The following HOOK2 variants were observed in gnomAD, a reference collection of about 807,000 sequenced individuals.
HOOK2 encodes protein Hook homolog 2.
Under a neutral mutation model 111.9 loss-of-function variants are expected in HOOK2, and 108 were observed. The ratio of observed to expected loss-of-function variants is 0.96; its 90% CI spans 0.83 to 1.13. The LOEUF (loss-of-function observed/expected upper bound fraction) is 1.13, where lower values mean the gene tolerates loss of function less well. HOOK2 is among the 50% of genes most tolerant of loss of function. The pLI, the probability that HOOK2 is intolerant of heterozygous loss-of-function variation, is 0.00. For missense variants in HOOK2, 978 were observed against 951.3 expected (o/e 1.03, Z -0.37); for synonymous variants, 405 against 394.3 (o/e 1.03, Z -0.32).
Position 12,769,958 on chromosome 19 carries a change from C to CG in HOOK2, c.1026dup (p.Glu343ArgfsTer9). 1.3e-6 allele frequency: 2 copies of CG among 1,552,836 alleles called. No individual in the cohort carries two copies. The highest frequency in any genetic ancestry group is 1.7e-6 in the Non-Finnish European group (2 of 1,156,054). ...TCATCCTCCAGTTGTCGCGTGCGCT[C>CG]GGCGTGGCCGGCGTTGCGTTCCTCC... On this transcript the variant is annotated frameshift_variant, in exon 11 of 23. Coordinates refer to ENST00000397668, the MANE Select transcript of HOOK2 (RefSeq NM_013312.3). LOFTEE classifies it high-confidence loss of function.
chr19:12,777,516 A>G (rs1288663140), upstream of HOOK2, among the ~76,000 whole-genome samples: 1 of 152,184 alleles, frequency 6.6e-6, no homozygotes, highest in East Asian at 1.9e-4. Flanking sequence ...TCCCTGCATT[A>G]TTGACTCCAG....
chr19:12,772,335 C>T, intron 6 of HOOK2, 83 bp from the exon 7 acceptor site: 1 of 1,449,204 alleles, frequency 6.9e-7, no homozygotes, highest in Non-Finnish European at 9.7e-7. Flanking sequence ...CTGAGAACCT[C>T]TCCATCCTCC....
chr19:12,785,852 C>T (rs1057174386), intron 3 of HOOK2, among the ~76,000 whole-genome samples: 3 of 152,206 alleles, frequency 2.0e-5, no homozygotes, highest in African/African-American at 7.2e-5. Context: ...ATCACCCCCA[C>T]TTCCCTCCCT....
chr19:12,782,148 G>A (rs1008118550), upstream of HOOK2, among the ~76,000 whole-genome samples: 2 of 152,168 alleles, frequency 1.3e-5, no homozygotes, highest in African/African-American at 4.8e-5. Context: ...GAGCCACTGC[G>A]CCCGTCCTAT....
intron 3 of HOOK2, chr19:12,792,265 C>A (rs1968729164): frequency 2.0e-6 from 3 of 1,495,028 alleles, no homozygotes; most frequent in African/African-American, 1.4e-5. Context: ...ACCGGGGGGC[C>A]CCCGGCTGGG....
At chr19:12,773,256 C>CTTTAGCTT in intron 3 of HOOK2, 1 of 388,922 alleles carries the variant, frequency 2.6e-6, no homozygotes, top group Non-Finnish European at 4.4e-6. Flanking sequence ...TTTTTTTTTG[C>CTTTAGCTT]TTTAGCTTTT....
At chr19:12,780,413 G>A (rs941854866), upstream of HOOK2, among the ~76,000 whole-genome samples, 12 of 151,720 alleles carry the variant, frequency 7.9e-5, no homozygotes, top group Non-Finnish European at 1.5e-4. Flanking sequence ...CTGGAGTGCA[G>A]TGGAGCGATC....
upstream of HOOK2, among the ~76,000 whole-genome samples, chr19:12,776,444 G>A (rs1055299949): frequency 4.6e-5 from 7 of 151,750 alleles, no homozygotes; most frequent in Non-Finnish European, 8.8e-5. Context: ...CACTTTGGGA[G>A]GCCGAGGCGG....
chr19:12,767,211 G>A (rs139368944), intron 14 of HOOK2, among the ~76,000 whole-genome samples, 184 bp downstream of exon 14: 1 of 152,300 alleles, frequency 6.6e-6, no homozygotes, highest in Non-Finnish European at 1.5e-5. Context: ...CCCTTGAGAG[G>A]CAAAGTCATC....
Position 12,763,597 on chromosome 19 carries a change from C to T in HOOK2, c.1941G>A (p.Met647Ile). Residue 647 changes from methionine to isoleucine, a missense_variant and splice_region_variant, in exon 22 of 23, where the codon ATG (methionine) becomes ATA (isoleucine). Around this residue, in one of 5 missense-constraint regions of HOOK2, gnomAD observed 277 missense variants for 265.8 expected, o/e 1.04. Coordinates refer to ENST00000397668, the MANE Select transcript of HOOK2 (RefSeq NM_013312.3). ...ERDVRIRHLE[M>I]DFEKSRSQRE... ...GCTGACTTCGGCTTTTCTCAAAGTC[C>T]ATCTGTCAAGGAGGCAAGTGTCAGG... The T allele has an allele frequency of 6.2e-7, 1 of 1,614,192 alleles. No individual in the cohort carries two copies. The highest frequency in any genetic ancestry group is 1.1e-5 in the South Asian group (1 of 91,090).
upstream of HOOK2, among the ~76,000 whole-genome samples, chr19:12,780,290 T>A (rs1012171544): frequency 2.0e-5 from 3 of 152,200 alleles, no homozygotes; most frequent in Admixed American, 2.0e-4. Flanking sequence ...TCATGTGTTG[T>A]GTGTCTGTGT....
rs1305145213 is a variant in HOOK2 at position 12,766,125 on chromosome 19, GGC to G, written c.1487_1488del (p.Arg496ProfsTer36). On this transcript the variant is annotated frameshift_variant, in exon 15 of 23. Transcript: ENST00000397668. LOFTEE classifies it high-confidence loss of function. ...QRHLEDANRA[R>X]HGLETQHRLN... ...CACCGGTGCTGCGTCTCCAACCCGT[GGC>G]GCGCGCGGTTGGCATCCTCCAGGTG... The G allele has an allele frequency of 8.7e-6, 14 of 1,601,918 alleles. No homozygotes were observed. The highest frequency in any genetic ancestry group is 1.3e-5 in the African/African-American group (1 of 74,890).
intron 8 of HOOK2, 37 bp downstream of exon 8, chr19:12,771,360 G>A (rs780128524): frequency 2.4e-5 from 39 of 1,608,742 alleles, no homozygotes; most frequent in Admixed American, 1.7e-5. Flanking sequence ...CTTGGAGAGG[G>A]GCTACTCAAG....
chr19:12,780,972 C>T (rs868520301), upstream of HOOK2, among the ~76,000 whole-genome samples: 37 of 140,198 alleles, frequency 2.6e-4, no homozygotes, highest in African/African-American at 9.0e-4. Context: ...AGCGAGACTC[C>T]GTCTCAAAAA....
intron 7 of HOOK2, 133 bp from the exon 8 acceptor site, chr19:12,771,610 C>T (rs2145758888): frequency 2.7e-6 from 2 of 750,728 alleles, no homozygotes; most frequent in East Asian, 2.7e-5. Flanking sequence ...GCGCCGGGTG[C>T]AGTGGCTCGC....
chr19:12,767,941 C>A (rs1185674146), intron 12 of HOOK2, 38 bp from the exon 13 acceptor site: 1 of 1,611,038 alleles, frequency 6.2e-7, no homozygotes, highest in South Asian at 1.1e-5. Flanking sequence ...ACGGGTCAGG[C>A]TCGGCCTCCT....
chr19:12,779,887 C>T (rs1053405665), upstream of HOOK2, among the ~76,000 whole-genome samples: 1 of 152,124 alleles, frequency 6.6e-6, no homozygotes, highest in African/African-American at 2.4e-5. Context: ...TGGTGGCTCG[C>T]GCCAGTAATC....
At chr19:12,775,347 G>T in intron 1 of HOOK2, 58 bp downstream of exon 1, 1 of 1,588,876 alleles carries the variant, frequency 6.3e-7, no homozygotes, top group Non-Finnish European at 8.6e-7. Flanking sequence ...CCAGGGCCAG[G>T]GATCCCGGGC....
At chr19:12,769,675 A>C (rs75717095) in intron 11 of HOOK2, among the ~76,000 whole-genome samples, 3 of 152,154 alleles carry the variant, frequency 2.0e-5, no homozygotes, top group African/African-American at 7.2e-5. Flanking sequence ...GGCATCAAAG[A>C]ATTTAGAGGA....
Sources: gnomAD v4.1 joint callset for allele counts (sites outside exome capture counted in the v4.1 genomes callset) on GRCh38, gnomAD v4.1.1 for gene constraint, gnomAD v4.1.1 regional missense constraint, MANE v1.5 for transcripts, NCBI Gene and HGNC (gene_info 2026-07-23, HGNC 2026-07-21) for gene names.